The following ABCC6 variants were observed in gnomAD, a reference collection of about 807,000 sequenced individuals.
ABCC6 encodes ATP-binding cassette sub-family C member 6.
Under a neutral mutation model 169.5 loss-of-function variants are expected in ABCC6, and 126 were observed. The ratio of observed to expected loss-of-function variants is 0.74; its 90% CI spans 0.64 to 0.86. The LOEUF (loss-of-function observed/expected upper bound fraction) is 0.86. Among genes scored for constraint, ABCC6 ranks in the 40% least tolerant of loss-of-function variants. The pLI is 0.00. For missense variants in ABCC6, 1,733 were observed against 1,927.2 expected, an observed-to-expected ratio of 0.90 and a Z score of 1.89; for synonymous variants, 752 against 814.7, an observed-to-expected ratio of 0.92 and a Z score of 1.31.
At chr16:16,210,922 G>A (rs925493695) in intron 6 of ABCC6, among the ~76,000 whole-genome samples, 2 of 151,914 alleles carry the variant, frequency 1.3e-5, no homozygotes, top group Non-Finnish European at 2.9e-5. Flanking sequence ...GGTGAAACCC[G>A]GTCTCTACAA....
chr16:16,190,486 T>A, intron 11 of ABCC6, 119 bp from the exon 12 acceptor site: 1 of 1,120,182 alleles, frequency 8.9e-7, no homozygotes, highest in Non-Finnish European at 1.3e-6. Flanking sequence ...CCCAAACCTG[T>A]CTGCCTCTCA....
chr16:16,199,626 AAATTCTCCACTTAGC>A (rs1423006277), intron 9 of ABCC6, among the ~76,000 whole-genome samples: 1 of 127,236 alleles, frequency 7.9e-6, no homozygotes. Context: ...CTGGACATAG[AAATTCTCCACTTAGC>A]AAGTCTTTGA....
chr16:16,166,039 G>T, intron 22 of ABCC6, 106 bp from the exon 23 acceptor site: 1 of 1,138,374 alleles, frequency 8.8e-7, no homozygotes, highest in Non-Finnish European at 1.3e-6. Flanking sequence ...ACATCTTATG[G>T]CTTGGCCACC....
chr16:16,182,314 C>T, intron 17 of ABCC6, 98 bp downstream of exon 17: 1 of 1,491,854 alleles, frequency 6.7e-7, no homozygotes, highest in Admixed American at 1.7e-5. Flanking sequence ...CTAACCATTC[C>T]TCTCATTTCT....
chr16:16,187,937 AAATAAAT>A (rs2047705987), intron 13 of ABCC6, among the ~76,000 whole-genome samples: 1 of 150,898 alleles, frequency 6.6e-6, no homozygotes, highest in Non-Finnish European at 1.5e-5. Context: ...ATAAATAAAT[AAATAAAT>A]AAGGCGGCCA....
At chr16:16,159,461 T>A in intron 26 of ABCC6, 21 bp downstream of exon 26, 11 of 1,594,386 alleles carry the variant, frequency 6.9e-6, no homozygotes, top group African/African-American at 1.4e-5. Flanking sequence ...TGGGACCCCC[T>A]CCCCACCTCC....
intron 29 of ABCC6, among the ~76,000 whole-genome samples, chr16:16,153,624 C>T (rs930859948): frequency 1.5e-4 from 23 of 152,060 alleles, no homozygotes; most frequent in African/African-American, 5.6e-4. Flanking sequence ...AAACTATACA[C>T]TGAAAAATGG....
At chr16:16,153,049 C>T (rs764914038) in intron 29 of ABCC6, among the ~76,000 whole-genome samples, 5 of 152,054 alleles carry the variant, frequency 3.3e-5, no homozygotes, top group East Asian at 1.9e-4. Context: ...GGATTACAGG[C>T]GCCTGCCGCC....
At chr16:16,180,487 T>G (rs1318123144) in intron 17 of ABCC6, among the ~76,000 whole-genome samples, 1 of 152,146 alleles carries the variant, frequency 6.6e-6, no homozygotes, top group Non-Finnish European at 1.5e-5. Context: ...TTCATTCTTT[T>G]AAAACTTATT....
In ABCC6 at chr16:16,178,777, GAC is replaced by G; in HGVS notation, c.2415+19_2415+20del. 6.2e-7 allele frequency: 1 copy of G among 1,613,748 alleles called. No individual in the cohort carries two copies. Among genetic ancestry groups the G allele is most frequent in the Non-Finnish European group, 8.5e-7 (1 of 1,179,926 alleles). On this transcript the variant is annotated intron_variant, in intron 18 of 30. Transcript: ENST00000205557. ...CCTCTGCCTTTGCCCTGTACTGTCT[GAC>G]ACATGTTCCCAAACTTACTGTTCCC...
chr16:16,169,547 G>T, intron 22 of ABCC6, 99 bp downstream of exon 22: 1 of 1,399,958 alleles, frequency 7.1e-7, no homozygotes, highest in Non-Finnish European at 9.9e-7. Context: ...CACTGTTCCA[G>T]GGGGACAGGG....
intron 15 of ABCC6, 91 bp downstream of exon 15, chr16:16,184,868 C>T: frequency 1.4e-6 from 2 of 1,415,610 alleles, no homozygotes; most frequent in Non-Finnish European, 1.0e-6. Flanking sequence ...GGCTGGAAAC[C>T]TACACCACCT....
intron 11 of ABCC6, among the ~76,000 whole-genome samples, chr16:16,190,834 C>G (rs1471023213): frequency 6.8e-6 from 1 of 146,254 alleles, no homozygotes; most frequent in African/African-American, 2.5e-5. Context: ...CTTAAATGAC[C>G]AGGAAGTGCG....
At chr16:16,201,109 G>C (rs2048222841) in intron 9 of ABCC6, among the ~76,000 whole-genome samples, 2 of 152,184 alleles carry the variant, frequency 1.3e-5, no homozygotes, top group African/African-American at 4.8e-5. Flanking sequence ...TGGAATTACA[G>C]GCACATGCCA....
chr16:16,204,061 C>CTT (rs941151148), intron 7 of ABCC6, among the ~76,000 whole-genome samples: 2 of 145,204 alleles, frequency 1.4e-5, no homozygotes, highest in East Asian at 2.0e-4. Context: ...TTTTCTTTTC[C>CTT]TTTTTTTTTT....
chr16:16,199,922 A>G (rs2048181483), intron 9 of ABCC6, among the ~76,000 whole-genome samples: 2 of 151,336 alleles, frequency 1.3e-5, no homozygotes, highest in Non-Finnish European at 2.9e-5. Flanking sequence ...ACAAAAATTA[A>G]CTGGGCATGC....
chr16:16,192,730 G>C, intron 11 of ABCC6, 100 bp downstream of exon 11: 2 of 1,117,806 alleles, frequency 1.8e-6, no homozygotes, highest in Non-Finnish European at 2.7e-6. Context: ...AGCCAGACCC[G>C]TGGGCTCGCA....
intron 15 of ABCC6, among the ~76,000 whole-genome samples, chr16:16,184,685 C>T (rs2047589882): frequency 6.6e-6 from 1 of 152,096 alleles, no homozygotes; most frequent in African/African-American, 2.4e-5. Flanking sequence ...TCTTGGCCAG[C>T]CTGGGAGCAC....
rs1294186563 is a variant in ABCC6 at position 16,173,404 on chromosome 16, C to T, written c.2667G>A (p.Arg889=). 5 of 1,614,038 alleles carry T rather than the reference C, an allele frequency of 3.1e-6. No homozygotes were observed. The South Asian group carries it at 4.4e-5, about 14-fold the overall frequency. Residue 889 remains arginine (R), a splice_region_variant and synonymous_variant, in exon 21 of 31, where the codon AGG becomes AGA. Transcript: ENST00000205557. ...CCTTCTCAGGGACTGACTTGATGGA[C>T]CTGTCATTTAGAGGAAATGAAGACA... ...AGRRPELRRE[R]SIKSVPEKDR... is the part of the protein sequence containing the mutation.
Sources: gnomAD v4.1 joint callset for allele counts (sites outside exome capture counted in the v4.1 genomes callset) on GRCh38, gnomAD v4.1.1 for gene constraint, MANE v1.5 for transcripts, NCBI Gene and HGNC (gene_info 2026-07-23, HGNC 2026-07-21) for gene names.